The following PELI2 variants were observed in gnomAD, a reference collection of about 807,000 sequenced individuals.
PELI2 encodes E3 ubiquitin-protein ligase pellino homolog 2.
PELI2 carries 23 observed loss-of-function variants against 42.3 expected under a neutral mutation model. The ratio of observed to expected loss-of-function variants is 0.54; its 90% CI spans 0.39 to 0.77. The LOEUF (loss-of-function observed/expected upper bound fraction) is 0.77, where lower values mean the gene tolerates loss of function less well. PELI2 is among the 30% of genes least tolerant of loss of function. PELI2 has a pLI of 0.00. For synonymous variants in PELI2, 245 were observed against 212.2 expected (o/e 1.15, Z -1.34); for missense variants, 463 against 553.2 (o/e 0.84, Z 1.64).
At chr14:56,241,667 A>G (rs1887980682) in intron 2 of PELI2, among the ~76,000 whole-genome samples, 1 of 152,162 alleles carries the variant, frequency 6.6e-6, no homozygotes, top group African/African-American at 2.4e-5. Context: ...GAAATTTCAG[A>G]ACACCAGGGA....
chr14:56,295,930 A>G (rs1167633578), intron 5 of PELI2, among the ~76,000 whole-genome samples: 2 of 152,262 alleles, frequency 1.3e-5, no homozygotes, highest in South Asian at 2.1e-4. Flanking sequence ...CTTAGCATGC[A>G]TCTGGCATGT....
chr14:56,143,132 G>T (rs904622409), intron 1 of PELI2, among the ~76,000 whole-genome samples: 1 of 152,108 alleles, frequency 6.6e-6, no homozygotes, highest in Non-Finnish European at 1.5e-5. Context: ...ATCTGTGACA[G>T]TTCCTCAGTC....
chr14:56,202,317 G>A (rs1886357997), intron 2 of PELI2, among the ~76,000 whole-genome samples: 1 of 148,898 alleles, frequency 6.7e-6, no homozygotes, highest in Non-Finnish European at 1.5e-5. Flanking sequence ...ATCAAAATAA[G>A]CCTGCCTTTA....
rs1890112310 is a variant in PELI2 at position 56,299,575 on chromosome 14, G to A, written c.*2409G>A. ...GACACCAGGCTCTTCTTGGCCACTT[G>A]TAGGAAGATCCCTTTACAATTTTGA... is the stretch of plus-strand genomic sequence containing the variant. On this transcript the variant is annotated 3_prime_UTR_variant, in exon 6 of 6. Coordinates refer to ENST00000267460, the MANE Select transcript of PELI2 (RefSeq NM_021255.3). 6 of 152,128 alleles carry A rather than the reference G, an allele frequency of 3.9e-5. No individual in the cohort carries two copies. Among genetic ancestry groups the A allele is most frequent in the Admixed American group, 3.9e-4 (6 of 15,276 alleles). 9.4% of individuals were successfully genotyped at this position (152,128 alleles called of 1,614,324 possible).
intron 2 of PELI2, among the ~76,000 whole-genome samples, chr14:56,185,055 TA>T (rs764655977): frequency 1.1e-4 from 17 of 147,946 alleles, no homozygotes; most frequent in Non-Finnish European, 2.1e-4. Flanking sequence ...TTTATATGGC[TA>T]TTTTTTTATT....
chr14:56,198,810 A>G (rs549055811), intron 2 of PELI2, among the ~76,000 whole-genome samples: 1 of 152,102 alleles, frequency 6.6e-6, no homozygotes, highest in Admixed American at 6.5e-5. Flanking sequence ...AGAGGGTATA[A>G]ATGGTTCTTG....
At chr14:56,255,995 T>C (rs1228134929) in intron 2 of PELI2, among the ~76,000 whole-genome samples, 1 of 152,180 alleles carries the variant, frequency 6.6e-6, no homozygotes, top group African/African-American at 2.4e-5. Flanking sequence ...GAAAATGATT[T>C]GGGGCTGCTT....
At chr14:56,209,562 T>C (rs1231868034) in intron 2 of PELI2, among the ~76,000 whole-genome samples, 1 of 152,202 alleles carries the variant, frequency 6.6e-6, no homozygotes, top group Non-Finnish European at 1.5e-5. Context: ...TGGTAGTATG[T>C]ATTGTGGTTA....
At chr14:56,231,459 C>G (rs1341593137) in intron 2 of PELI2, among the ~76,000 whole-genome samples, 1 of 152,216 alleles carries the variant, frequency 6.6e-6, no homozygotes, top group Non-Finnish European at 1.5e-5. Context: ...GAAACTCACT[C>G]AAAACTGCTC....
intron 2 of PELI2, 95 bp downstream of exon 2, chr14:56,178,559 T>G: frequency 7.3e-7 from 1 of 1,360,930 alleles, no homozygotes; most frequent in Non-Finnish European, 1.0e-6. Context: ...TCTTTTCATG[T>G]AGGACAGTCT....
intron 1 of PELI2, 46 bp downstream of exon 1, chr14:56,118,783 G>A: frequency 2.3e-6 from 3 of 1,311,748 alleles, no homozygotes; most frequent in Non-Finnish European, 3.1e-6. Context: ...CGGGCGGGGA[G>A]CGCCCGCATC....
At position 56,190,394 on chromosome 14, in the gene PELI2, ATTTTCT is replaced by A. The variant is rs563151493; in HGVS notation, c.207+11933_207+11938del. Reference sequence around the variant, plus strand: ...ACCCAGCATTTTTTATTTTAAGAAGATTTTCTTTAAAGTACACAAAACATACATGTA... The same window carrying A: ...ACCCAGCATTTTTTATTTTAAGAAGATTAAAGTACACAAAACATACATGTA... On this transcript the variant is annotated intron_variant, in intron 2 of 5. Transcript: ENST00000267460. Among the ~76,000 whole-genome samples the A allele has an allele frequency of 3.0e-4, 45 of 152,324 alleles. No individual in the cohort carries two copies. The South Asian group carries it at 9.3e-3, about 32-fold the overall frequency.
chr14:56,140,489 A>C (rs1214436081), intron 1 of PELI2, among the ~76,000 whole-genome samples: 5 of 152,196 alleles, frequency 3.3e-5, no homozygotes, highest in Non-Finnish European at 7.3e-5. Context: ...AAGGACATTA[A>C]ATTTAAGCAA....
chr14:56,271,833 G>A (rs1248464881), intron 2 of PELI2, among the ~76,000 whole-genome samples: 1 of 152,194 alleles, frequency 6.6e-6, no homozygotes, highest in Non-Finnish European at 1.5e-5. Flanking sequence ...ACAGAGAGCA[G>A]ATCGCGTGAG....
chr14:56,133,202 A>G (rs1463812203), intron 1 of PELI2, among the ~76,000 whole-genome samples: 1 of 152,194 alleles, frequency 6.6e-6, no homozygotes, highest in Non-Finnish European at 1.5e-5. Flanking sequence ...GTGTTAGCCA[A>G]CTGACTTTCA....
chr14:56,178,330 T>C lies in PELI2; in HGVS notation c.78-5T>C. 1 of 1,613,946 alleles carries C rather than the reference T, an allele frequency of 6.2e-7. No individual in the cohort carries two copies. Among genetic ancestry groups the C allele is most frequent in the Non-Finnish European group, 8.5e-7 (1 of 1,179,862 alleles). On this transcript the variant is annotated splice_polypyrimidine_tract_variant and splice_region_variant and intron_variant, in intron 1 of 5. Transcript: ENST00000267460. ...ATAGATGAACTCTTTCCTCTCTGTTTCTAGGTACAATGGTGCTTTACCCAA... is the reference window on the plus strand; with the variant it reads ...ATAGATGAACTCTTTCCTCTCTGTTCCTAGGTACAATGGTGCTTTACCCAA...
At chr14:56,128,952 T>C (rs1883381420) in intron 1 of PELI2, among the ~76,000 whole-genome samples, 12 of 151,620 alleles carry the variant, frequency 7.9e-5, no homozygotes, top group Admixed American at 7.9e-4. Flanking sequence ...AAAGGGTGAG[T>C]TAGCTAAGGG....
rs1185490949 is a variant in PELI2, at chr14:56,197,961, CTGG to C, written c.207+19500_207+19502del. ...CACACACACACACCAGGGATCATGACTGGTGAAGACACACACACACACACACAC... is the reference window on the plus strand; with the variant it reads ...CACACACACACACCAGGGATCATGACTGAAGACACACACACACACACACAC... On this transcript the variant is annotated intron_variant, in intron 2 of 5. Coordinates refer to ENST00000267460, the MANE Select transcript of PELI2 (RefSeq NM_021255.3). This position sits in a 1 kb window ranked among gnomAD's most constrained non-coding sequence, Gnocchi z 4.9. Among the ~76,000 whole-genome samples, 1 of 128,158 alleles carries C rather than the reference CTGG, an allele frequency of 7.8e-6. No individual in the cohort carries two copies. The highest frequency in any genetic ancestry group is 1.6e-5 in the Non-Finnish European group (1 of 62,980). The allele number at this position is 128,158 out of a possible 152,430, so 84.1% of individuals were successfully genotyped here.
At chr14:56,138,240 A>AAT (rs1883757280) in intron 1 of PELI2, among the ~76,000 whole-genome samples, 1 of 152,238 alleles carries the variant, frequency 6.6e-6, no homozygotes, top group Non-Finnish European at 1.5e-5. Context: ...AGGTAAAAGT[A>AAT]ACTTCAGGAA....
Sources: gnomAD v4.1 joint callset for allele counts (sites outside exome capture counted in the v4.1 genomes callset) on GRCh38, gnomAD v4.1.1 for gene constraint, Gnocchi (gnomAD v3.1) non-coding constraint, MANE v1.5 for transcripts, NCBI Gene and HGNC (gene_info 2026-07-23, HGNC 2026-07-21) for gene names.